PDE4D: variants seen among roughly 807,000 people sequenced by gnomAD.
PDE4D encodes the protein 3',5'-cyclic-AMP phosphodiesterase 4D.
A neutral mutation model predicts 87.4 loss-of-function variants in PDE4D; 24 were observed. The ratio of observed to expected loss-of-function variants is 0.27; its 90% CI spans 0.20 to 0.39. PDE4D has a LOEUF of 0.39. Among genes scored for constraint, PDE4D ranks in the 10% least tolerant of loss-of-function variants. PDE4D has a pLI of 1.00. For synonymous variants in PDE4D, 384 were observed against 383.2 expected (o/e 1.00, Z -0.02); for missense variants, 714 against 1,041.0 (o/e 0.69, Z 4.32).
intron 3 of PDE4D, among the ~76,000 whole-genome samples, chr5:59,983,626 G>A (rs370241994): frequency 2.2e-4 from 33 of 152,006 alleles, no homozygotes; most frequent in Admixed American, 3.9e-4. Context: ...CCTACTCATC[G>A]GGGAAATGTA....
chr5:59,685,372 A>C (rs1174892975), intron 1 of PDE4D, among the ~76,000 whole-genome samples: 1 of 152,196 alleles, frequency 6.6e-6, no homozygotes, highest in East Asian at 1.9e-4. Context: ...AGACATACTA[A>C]ATTAACTACA....
At chr5:59,291,889 T>A (rs780369202) in intron 1 of PDE4D, among the ~76,000 whole-genome samples, 1 of 151,766 alleles carries the variant, frequency 6.6e-6, no homozygotes, top group Non-Finnish European at 1.5e-5. Context: ...GCTAAAAAAA[T>A]ATCCACAAAC....
chr5:60,365,405 G>A (rs1043633878), intron 1 of PDE4D, among the ~76,000 whole-genome samples: 8 of 152,142 alleles, frequency 5.3e-5, no homozygotes, highest in African/African-American at 1.9e-4. Context: ...AAGATTGACA[G>A]TGGCCACTCC....
At chr5:59,847,130 A>G (rs1211600004) in intron 1 of PDE4D, among the ~76,000 whole-genome samples, 1 of 151,952 alleles carries the variant, frequency 6.6e-6, no homozygotes, top group Non-Finnish European at 1.5e-5. Context: ...AGGAAAGACA[A>G]TTGAGCTGCC....
At chr5:59,408,013 G>A (rs567469910) in intron 1 of PDE4D, among the ~76,000 whole-genome samples, 1 of 152,324 alleles carries the variant, frequency 6.6e-6, no homozygotes, top group South Asian at 2.1e-4. Context: ...AATTCAAGCA[G>A]GCTGCAAGCA....
intron 1 of PDE4D, among the ~76,000 whole-genome samples, chr5:59,728,032 A>T (rs1173152937): frequency 6.6e-6 from 1 of 152,124 alleles, no homozygotes; most frequent in African/African-American, 2.4e-5. Flanking sequence ...TAATAATAGC[A>T]TCTGTAGTAA....
chr5:59,011,138 G>A (rs1752717978), intron 6 of PDE4D, among the ~76,000 whole-genome samples: 1 of 152,156 alleles, frequency 6.6e-6, no homozygotes, highest in Non-Finnish European at 1.5e-5. Context: ...AACCCCATAT[G>A]TACGTCACCA....
chr5:60,076,671 C>T (rs1023808172), intron 2 of PDE4D, among the ~76,000 whole-genome samples: 14 of 69,604 alleles, frequency 2.0e-4, no homozygotes, highest in Admixed American at 1.8e-3. Flanking sequence ...TTTCTGGCTC[C>T]TCAAGGTTAG....
At chr5:59,778,547 T>C (rs1764298698) in intron 1 of PDE4D, among the ~76,000 whole-genome samples, 1 of 150,596 alleles carries the variant, frequency 6.6e-6, no homozygotes. Context: ...TGTAATTATA[T>C]AAACATTGCA....
chr5:59,447,401 A>G (rs187910482), intron 1 of PDE4D, among the ~76,000 whole-genome samples: 2 of 152,224 alleles, frequency 1.3e-5, no homozygotes, highest in Non-Finnish European at 2.9e-5. Flanking sequence ...AATTATCAAT[A>G]AACACTTTTT....
rs574854979 is a variant in PDE4D at position 59,318,107 on chromosome 5, A to G, written c.456-102139T>C. On this transcript the variant is annotated intron_variant, in intron 1 of 14. Coordinates refer to ENST00000340635, the MANE Select transcript of PDE4D (RefSeq NM_001104631.2). ...GAGAAAGGGATGGATTTCTAACTTAACTGTTGGCATATACCTTGAGAATGA... is the reference window on the plus strand; with the variant it reads ...GAGAAAGGGATGGATTTCTAACTTAGCTGTTGGCATATACCTTGAGAATGA... Among the ~76,000 whole-genome samples, 6 of 152,252 alleles carry G rather than the reference A, an allele frequency of 3.9e-5. No individual in the cohort carries two copies. In the South Asian group the frequency reaches 1.2e-3, roughly 32 times the overall value.
intron 1 of PDE4D, among the ~76,000 whole-genome samples, chr5:59,649,908 T>TTTTTTTTTC (rs1743145795): frequency 1.0e-5 from 1 of 98,254 alleles, no homozygotes; most frequent in African/African-American, 4.3e-5. Flanking sequence ...TGTGAACCTT[T>TTTTTTTTTC]TTTTTTTTTT....
At chr5:60,024,444 A>C (rs891413716) in intron 2 of PDE4D, among the ~76,000 whole-genome samples, 1 of 152,214 alleles carries the variant, frequency 6.6e-6, no homozygotes, top group African/African-American at 2.4e-5. Context: ...AGATGTATTT[A>C]TTTAAAATTA....
chr5:60,265,508 AG>A (rs1472804585), intron 1 of PDE4D, among the ~76,000 whole-genome samples: 1 of 152,116 alleles, frequency 6.6e-6, no homozygotes, highest in African/African-American at 2.4e-5. Flanking sequence ...CTGTCTGATG[AG>A]CTCTTGGTTT....
rs62355531 is a variant in PDE4D at position 59,394,482 on chromosome 5, C to T, written c.456-178514G>A. Among the ~76,000 whole-genome samples, 1,114 of 152,160 alleles carry T rather than the reference C, an allele frequency of 7.3e-3. 10 individuals are homozygous for T. The highest frequency in any genetic ancestry group is 0.031 in the Middle Eastern group (9 of 294). On this transcript the variant is annotated intron_variant, in intron 1 of 14. Coordinates refer to ENST00000340635, the MANE Select transcript of PDE4D (RefSeq NM_001104631.2). The stretch of plus-strand genomic sequence containing the variant: ...TGTGTAAGAAGATAATTAATGTTAC[C>T]ATTAATGCATGCAATGACATTAGTA...
chr5:59,487,477 C>T (rs911047920), intron 1 of PDE4D, among the ~76,000 whole-genome samples: 6 of 152,126 alleles, frequency 3.9e-5, no homozygotes, highest in Admixed American at 3.3e-4. Context: ...TGCTGAGTGA[C>T]CTTGGACAAG....
intron 1 of PDE4D, among the ~76,000 whole-genome samples, chr5:60,376,329 G>A (rs115640499): frequency 0.01 from 1,576 of 152,168 alleles, 14 homozygotes; most frequent in Non-Finnish European, 0.016. Context: ...GGCCAGAGAA[G>A]AAAAGTAATG....
At chr5:59,566,534 ATGTGTGTGTGTG>A (rs34584672) in intron 1 of PDE4D, among the ~76,000 whole-genome samples, 129 of 140,796 alleles carry the variant, frequency 9.2e-4, no homozygotes, top group African/African-American at 2.1e-3. Context: ...TCACAGTTTC[ATGTGTGTGTGTG>A]TGTGTGTGTG....
chr5:59,151,917 C>G (rs1779535781), intron 5 of PDE4D, among the ~76,000 whole-genome samples: 2 of 151,620 alleles, frequency 1.3e-5, no homozygotes, highest in South Asian at 4.2e-4. Context: ...AGGGAAGAGA[C>G]TGGAAAAAGA....
Sources: gnomAD v4.1 joint callset for allele counts (sites outside exome capture counted in the v4.1 genomes callset) on GRCh38, gnomAD v4.1.1 for gene constraint, MANE v1.5 for transcripts, NCBI Gene and HGNC (gene_info 2026-07-23, HGNC 2026-07-21) for gene names.